Variants in ANO9 observed in about 807,000 individuals in gnomAD.
The protein encoded by ANO9 is anoctamin-9.
Under a neutral mutation model 100.5 loss-of-function variants are expected in ANO9, and 80 were observed. That is an observed-to-expected ratio of 0.80 (90% CI 0.66 to 0.96). The LOEUF is 0.96. ANO9 is among the 40% of genes least tolerant of loss of function. The probability of loss-of-function intolerance (pLI) is 0.00; values close to 1 mark genes in which losing one functional copy is unlikely to be tolerated. For missense variants in ANO9, 1,064 were observed against 1,072.7 expected (o/e 0.99, Z 0.11); for synonymous variants, 473 against 435.6 (o/e 1.09, Z -1.07).
intron 8 of ANO9, 32 bp downstream of exon 8, chr11:430,237 G>A: frequency 6.4e-7 from 1 of 1,552,332 alleles, no homozygotes. Flanking sequence ...GCCCACCCCG[G>A]CCCCCCATGC....
At chr11:430,060 G>A in intron 9 of ANO9, 23 bp downstream of exon 9, 2 of 1,547,408 alleles carry the variant, frequency 1.3e-6, no homozygotes, top group Non-Finnish European at 1.7e-6. Flanking sequence ...GCAGGCCCTG[G>A]GGTGGACCCG....
chr11:434,897 G>A (rs547058480), intron 1 of ANO9, among the ~76,000 whole-genome samples: 18 of 152,272 alleles, frequency 1.2e-4, no homozygotes, highest in Middle Eastern at 3.4e-3. Flanking sequence ...CTCTGGCTGC[G>A]TCACACCTGG....
In ANO9 at chr11:428,407, G is replaced by C; in HGVS notation, c.1186-13C>G. 1.2e-6 allele frequency: 2 copies of C among 1,612,702 alleles called. No individual in the cohort carries two copies. The highest frequency in any genetic ancestry group is 1.1e-5 in the South Asian group (1 of 91,080). On this transcript the variant is annotated splice_polypyrimidine_tract_variant and intron_variant, in intron 13 of 22. Transcript: ENST00000332826. Reference sequence around the variant, plus strand: ...CGCACCTGTTGATCTGCGGAGGAGGGCACCGAATGGGCTCACTGGGGCTCC... The same window carrying C: ...CGCACCTGTTGATCTGCGGAGGAGGCCACCGAATGGGCTCACTGGGGCTCC...
intron 1 of ANO9, chr11:440,826 C>G (rs557527581): frequency 2.0e-5 from 3 of 152,468 alleles, no homozygotes; most frequent in Non-Finnish European, 4.4e-5. Flanking sequence ...CCACGACGCC[C>G]GGGTTCAAGC....
intron 1 of ANO9, among the ~76,000 whole-genome samples, chr11:437,471 G>A (rs1393195396): frequency 6.6e-6 from 1 of 152,092 alleles, no homozygotes; most frequent in African/African-American, 2.4e-5. Flanking sequence ...TAGACCAGTA[G>A]TTCTTCCTGC....
chr11:433,963 G>A (rs1849249963), intron 2 of ANO9, 26 bp from the exon 3 acceptor site: 1 of 1,554,772 alleles, frequency 6.4e-7, no homozygotes, highest in Non-Finnish European at 8.7e-7. Context: ...ATGGGGCCAG[G>A]CGCAGGTGAA....
Position 430,259 on chromosome 11 carries a change from T to C in ANO9, c.674+10A>G, listed in dbSNP as rs985466837. 3.2e-6 allele frequency: 5 copies of C among 1,558,666 alleles called. No individual in the cohort carries two copies. In the Admixed American group the frequency reaches 5.7e-5, roughly 18 times the overall value. On this transcript the variant is annotated intron_variant, in intron 8 of 22. Transcript: ENST00000332826. ...CCGGCCCCCCATGCCCGGCCCCTGC[T>C]GCGGCCCACCTGATCTGGCTGGCCT... is the stretch of plus-strand genomic sequence containing the variant.
rs1160207501 is a variant in ANO9 at position 418,558 on chromosome 11, G to C, written c.2162C>G (p.Ala721Gly). The change falls in exon 23 of 23, where the codon GCC becomes GGC. Residue 721 changes from alanine (A) to glycine (G), a missense_variant. By Grantham distance (60) the Ala-to-Gly change is moderately conservative (BLOSUM62 0). Coordinates refer to ENST00000332826, the MANE Select transcript of ANO9 (RefSeq NM_001012302.3). ...HVALCIKLIA[A>G]WFVPDIPQSV... ...CTGAGGGATGTCGGGCACGAACCAG[G>C]CGGCGATGAGCTTGATGCACAAGGC... 6.2e-7 allele frequency: 1 copy of C among 1,613,042 alleles called. No homozygotes were observed. The highest frequency in any genetic ancestry group is 1.7e-5 in the Admixed American group (1 of 60,026).
chr11:430,340 C>G lies in ANO9; in HGVS notation c.603G>C (p.Leu201=). 1 of 1,609,914 alleles carries G rather than the reference C, an allele frequency of 6.2e-7. No individual in the cohort carries two copies. The highest frequency in any genetic ancestry group is 8.5e-7 in the Non-Finnish European group (1 of 1,179,194). Residue 201 remains leucine (L), a synonymous_variant, in exon 8 of 23, where the codon CTG becomes CTC. Coordinates refer to ENST00000332826, the MANE Select transcript of ANO9 (RefSeq NM_001012302.3). ...AGAGGCCCGTCAGGGCGGCCGGCAC[C>G]AGCATGTAGGTGTACCAGCCCAGCC... is the stretch of plus-strand genomic sequence containing the variant. ...FVWLGWYTYM[L]VPAALTGLLV... is the part of the protein sequence containing the mutation.
chr11:431,974 G>A lies in ANO9; in HGVS notation c.406+25C>T, dbSNP rs1279192819. ...GGAGAACCCTGCCCGCAGCGCCCCTGTCAGTGCCCCACCCCTGCCCTTACC... is the reference window on the plus strand; with the variant it reads ...GGAGAACCCTGCCCGCAGCGCCCCTATCAGTGCCCCACCCCTGCCCTTACC... On this transcript the variant is annotated intron_variant, in intron 5 of 22. Coordinates refer to ENST00000332826, the MANE Select transcript of ANO9 (RefSeq NM_001012302.3). 13 of 1,612,718 alleles carry A rather than the reference G, an allele frequency of 8.1e-6. No homozygotes were observed. The Admixed American group carries it at 1.7e-4, about 21-fold the overall frequency.
At chr11:426,723 A>G (rs1270127553) in intron 15 of ANO9, among the ~76,000 whole-genome samples, 1 of 152,164 alleles carries the variant, frequency 6.6e-6, no homozygotes, top group Non-Finnish European at 1.5e-5. Context: ...CAGCCCTGCC[A>G]GGATCCCCAG....
chr11:422,860 T>G lies in ANO9; in HGVS notation c.1335-1662A>C, dbSNP rs1378881904. ...TTTTTTTTTTTTTCAGACAGAGTCT[T>G]GCTCTGTCACCCAGGCTGGAGTGCA... On this transcript the variant is annotated intron_variant, in intron 15 of 22. Transcript: ENST00000332826. The surrounding 1 kb of genome is among the most constrained non-coding windows in gnomAD (Gnocchi z 4.3). 1.3e-5 allele frequency among the ~76,000 whole-genome samples: 2 copies of G among 151,868 alleles called. No individual in the cohort carries two copies. Among genetic ancestry groups the G allele is most frequent in the African/African-American group, 2.4e-5 (1 of 41,278 alleles).
At position 421,992 on chromosome 11, in the gene ANO9, C is replaced by T. The variant is rs955703340; in HGVS notation, c.1335-794G>A. On this transcript the variant is annotated intron_variant, in intron 15 of 22. Transcript: ENST00000332826. The surrounding 1 kb of genome is among the most constrained non-coding windows in gnomAD (Gnocchi z 6.8). ...CTCTTTTAGAAAACATGATTATGTA[C>T]CTGGAAAATCAAAATAAAACAACTG... Among the ~76,000 whole-genome samples the T allele has an allele frequency of 2.0e-5, 3 of 152,054 alleles. No individual in the cohort carries two copies. Among genetic ancestry groups the T allele is most frequent in the Non-Finnish European group, 4.4e-5 (3 of 68,014 alleles).
At position 433,314 on chromosome 11, in the gene ANO9, C is replaced by T; in HGVS notation, c.350G>A (p.Ser117Asn). 1 of 1,612,064 alleles carries T rather than the reference C, an allele frequency of 6.2e-7. No individual in the cohort carries two copies. The highest frequency in any genetic ancestry group is 8.5e-7 in the Non-Finnish European group (1 of 1,179,480). ...CACGGCTCTGGGTGCAGCCTCTCAC[C>T]TCGTGGTGACCGGGATGGTGGTCGG... Reference protein sequence around the residue: ...AAPTTIPVTTSLRIRIVNFVV... With the variant: ...AAPTTIPVTTNLRIRIVNFVV... The change falls in exon 4 of 23, where the codon AGT becomes AAT. Residue 117 changes from serine to asparagine, a missense_variant and splice_region_variant. By Grantham distance (46) the Ser-to-Asn change is conservative. Transcript: ENST00000332826.
chr11:435,827 T>C (rs1379204595), intron 1 of ANO9, among the ~76,000 whole-genome samples: 6 of 132,664 alleles, frequency 4.5e-5, no homozygotes, highest in East Asian at 4.0e-4. Context: ...TAGCATAACA[T>C]AATACGGTAT....
chr11:433,786 G>T, intron 3 of ANO9, 29 bp downstream of exon 3: 1 of 1,546,860 alleles, frequency 6.5e-7, no homozygotes. Flanking sequence ...CGGCCCCATG[G>T]CCCTGCCCCT....
At position 428,508 on chromosome 11, in the gene ANO9, C is replaced by T. The variant is rs144842006; in HGVS notation, c.1152G>A (p.Leu384=). The T allele has an allele frequency of 1.0e-4, 162 of 1,612,524 alleles. No individual in the cohort carries two copies. The highest frequency in any genetic ancestry group is 1.2e-4 in the Non-Finnish European group (145 of 1,179,876). The change falls in exon 13 of 23, where the codon CTG becomes CTA. Residue 384 remains leucine, a synonymous_variant. Coordinates refer to ENST00000332826, the MANE Select transcript of ANO9 (RefSeq NM_001012302.3). ...VTTAVVVTGA[L]VHYVTIIIMT... The stretch of plus-strand genomic sequence containing the variant: ...TGATGATGATGGTCACATAGTGCAC[C>T]AGAGCCCCGGTCACCACCACGGCCG...
chr11:436,171 G>A (rs1451240720), intron 1 of ANO9, among the ~76,000 whole-genome samples: 4 of 148,376 alleles, frequency 2.7e-5, no homozygotes, highest in Admixed American at 1.4e-4. Context: ...AGGTTCAAGC[G>A]ATTCTCCTGC....
At chr11:426,974 T>TATGTGCTGGGA (rs1462081645) in intron 15 of ANO9, among the ~76,000 whole-genome samples, 1 of 152,204 alleles carries the variant, frequency 6.6e-6, no homozygotes, top group Admixed American at 6.5e-5. Context: ...AGCGTCCTTC[T>TATGTGCTGGGA]GCCTCCAGAC....
Sources: gnomAD v4.1 joint callset for allele counts (sites outside exome capture counted in the v4.1 genomes callset) on GRCh38, gnomAD v4.1.1 for gene constraint, Gnocchi (gnomAD v3.1) non-coding constraint, MANE v1.5 for transcripts, NCBI Gene and HGNC (gene_info 2026-07-23, HGNC 2026-07-21) for gene names.